UBAC2: variants seen among roughly 807,000 people sequenced by gnomAD.
UBAC2 encodes the protein UBA domain containing 2.
Under a neutral mutation model 44.0 loss-of-function variants are expected in UBAC2, and 26 were observed. That is an observed-to-expected ratio of 0.59 (90% confidence interval 0.43 to 0.82). UBAC2 has a LOEUF of 0.82. UBAC2 is among the 40% of genes least tolerant of loss of function. UBAC2 has a pLI of 0.00. For synonymous variants in UBAC2, 155 were observed against 154.3 expected, an observed-to-expected ratio of 1.00 and a Z score of -0.04; for missense variants, 329 against 419.4, an observed-to-expected ratio of 0.78 and a Z score of 1.88.
intron 8 of UBAC2, chr13:99,377,724 C>A (rs1229355151): frequency 6.6e-6 from 1 of 152,182 alleles, no homozygotes; most frequent in South Asian, 2.1e-4. Context: ...TAGGGCCCAC[C>A]ACACACCTGG....
intron 2 of UBAC2, among the ~76,000 whole-genome samples, chr13:99,242,086 G>A (rs1401347997): frequency 6.6e-6 from 1 of 151,880 alleles, no homozygotes; most frequent in Non-Finnish European, 1.5e-5. Flanking sequence ...TCCCAAGGCA[G>A]AAGAATTTTT....
At chr13:99,346,536 T>C (rs1292490968) in intron 7 of UBAC2, among the ~76,000 whole-genome samples, 1 of 152,264 alleles carries the variant, frequency 6.6e-6, no homozygotes, top group African/African-American at 2.4e-5. Flanking sequence ...CTGCTGCTCA[T>C]ATTGTTTCAC....
At chr13:99,371,175 A>C (rs1265897501) in intron 8 of UBAC2, among the ~76,000 whole-genome samples, 1 of 151,364 alleles carries the variant, frequency 6.6e-6, no homozygotes, top group Non-Finnish European at 1.5e-5. Flanking sequence ...TTGTTTAATG[A>C]GTCATTTTTC....
intron 6 of UBAC2, among the ~76,000 whole-genome samples, chr13:99,332,929 G>A (rs902817994): frequency 6.8e-6 from 1 of 146,006 alleles, no homozygotes; most frequent in African/African-American, 2.5e-5. Context: ...AAGAAAACTC[G>A]CTCATTCAGA....
At chr13:99,316,847 A>G (rs2044498729) in intron 5 of UBAC2, among the ~76,000 whole-genome samples, 1 of 152,238 alleles carries the variant, frequency 6.6e-6, no homozygotes, top group South Asian at 2.1e-4. Context: ...ACCTGTGGCA[A>G]ATTGCTTAAC....
At chr13:99,321,277 T>A (rs2044564614) in intron 6 of UBAC2, among the ~76,000 whole-genome samples, 3 of 152,244 alleles carry the variant, frequency 2.0e-5, no homozygotes, top group Admixed American at 6.5e-5. Context: ...GCTTATTTTA[T>A]TTAGCTAGGT....
chr13:99,242,365 G>C (rs1212919259), intron 2 of UBAC2, among the ~76,000 whole-genome samples: 5 of 147,706 alleles, frequency 3.4e-5, no homozygotes, highest in African/African-American at 9.9e-5. Flanking sequence ...CGGGGCGGCT[G>C]TCCGGGCAGA....
At chr13:99,213,106 A>G (rs999999469) in intron 1 of UBAC2, among the ~76,000 whole-genome samples, 5 of 152,280 alleles carry the variant, frequency 3.3e-5, no homozygotes, top group Non-Finnish European at 5.9e-5. Flanking sequence ...ATACATATAC[A>G]TATACCTATA....
chr13:99,366,259 C>T (rs1041452794), intron 7 of UBAC2, among the ~76,000 whole-genome samples: 2 of 152,140 alleles, frequency 1.3e-5, no homozygotes, highest in Non-Finnish European at 2.9e-5. Context: ...CTCCTATATT[C>T]AGGTCCTTGG....
intron 1 of UBAC2, among the ~76,000 whole-genome samples, chr13:99,220,930 G>A (rs887429269): frequency 6.6e-6 from 1 of 151,800 alleles, no homozygotes. Context: ...GATTATCTCT[G>A]TTAATATTTT....
chr13:99,214,073 C>T (rs1218101511), intron 1 of UBAC2, among the ~76,000 whole-genome samples: 1 of 152,188 alleles, frequency 6.6e-6, no homozygotes, highest in South Asian at 2.1e-4. Context: ...CCTGCCTCAT[C>T]CTCCCAAAGT....
intron 1 of UBAC2, among the ~76,000 whole-genome samples, chr13:99,228,167 A>AG (rs2043132113): frequency 6.6e-6 from 1 of 152,222 alleles, no homozygotes; most frequent in Non-Finnish European, 1.5e-5. Context: ...TGCCCGTTGC[A>AG]CTTACATCAC....
intron 8 of UBAC2, among the ~76,000 whole-genome samples, chr13:99,382,760 C>T (rs1033712007): frequency 5.3e-5 from 8 of 152,198 alleles, no homozygotes; most frequent in African/African-American, 1.7e-4. Flanking sequence ...GAGGACTTCG[C>T]TCTGGGGGCC....
rs764511915 is a variant in UBAC2 at position 99,201,483 on chromosome 13, A to G, written c.31+544A>G. 1.9e-6 allele frequency: 3 copies of G among 1,614,202 alleles called. No individual in the cohort carries two copies. The East Asian group carries it at 6.7e-5, about 36-fold the overall frequency. ...CACTGATGAGAGTGCTTTCAAGTGG[A>G]GGGAAGTTAGGAAGTCGTGGCGAGG... On this transcript the variant is annotated intron_variant, in intron 1 of 8. Transcript: ENST00000403766.
chr13:99,286,187 G>A (rs1046886319), intron 4 of UBAC2, among the ~76,000 whole-genome samples: 1 of 152,178 alleles, frequency 6.6e-6, no homozygotes, highest in African/African-American at 2.4e-5. Flanking sequence ...CAAGATTTCT[G>A]TTATCTATAA....
At chr13:99,216,834 C>CT (rs11338165) in intron 1 of UBAC2, among the ~76,000 whole-genome samples, 129 of 140,632 alleles carry the variant, frequency 9.2e-4, no homozygotes, top group South Asian at 7.0e-3. Flanking sequence ...TTTCTTTTTT[C>CT]TTTTTTTTTT....
At chr13:99,201,348 C>G in intron 1 of UBAC2, 5 of 1,546,370 alleles carry the variant, frequency 3.2e-6, no homozygotes, top group Non-Finnish European at 4.4e-6. Context: ...CGAACTAACT[C>G]CCCCCGCCCC....
chr13:99,237,621 G>A (rs1038480038), intron 1 of UBAC2, among the ~76,000 whole-genome samples: 5 of 152,204 alleles, frequency 3.3e-5, no homozygotes, highest in Non-Finnish European at 7.3e-5. Flanking sequence ...AAAATAGCTA[G>A]AAGAGAATAA....
chr13:99,348,696 A>T (rs935998892), intron 7 of UBAC2, among the ~76,000 whole-genome samples: 3 of 152,236 alleles, frequency 2.0e-5, no homozygotes, highest in Non-Finnish European at 4.4e-5. Flanking sequence ...CACTTTAGTC[A>T]TAATATGAAC....
Sources: allele counts gnomAD v4.1 joint callset (sites outside exome capture counted in the v4.1 genomes callset), GRCh38; gene constraint gnomAD v4.1.1; transcripts MANE v1.5; gene names NCBI Gene and HGNC (gene_info 2026-07-23, HGNC 2026-07-21).